KDM5A: variants seen among roughly 807,000 people sequenced by gnomAD.
KDM5A encodes the protein lysine-specific demethylase 5A.
In KDM5A, 42 loss-of-function variants were observed where a neutral mutation model predicts 193.5. The observed-to-expected ratio is 0.22, with a 90% CI of 0.17 to 0.28. The LOEUF (loss-of-function observed/expected upper bound fraction) is 0.28, where lower values mean the gene tolerates loss of function less well. Ranked by LOEUF, KDM5A falls within the 10% of genes least tolerant of loss-of-function variation. The probability of loss-of-function intolerance (pLI) is 1.00; values close to 1 mark genes in which losing one functional copy is unlikely to be tolerated. For synonymous variants in KDM5A, 796 were observed against 718.1 expected (o/e 1.11, Z -1.73); for missense variants, 1,692 against 2,055.1 (o/e 0.82, Z 3.42).
intron 3 of KDM5A, among the ~76,000 whole-genome samples, chr12:374,862 G>A (rs535873425): frequency 9.5e-4 from 143 of 151,056 alleles, no homozygotes; most frequent in African/African-American, 3.4e-3. Context: ...TGAAATTATG[G>A]GTTGAAAATT....
chr12:350,553 T>C, intron 10 of KDM5A, 68 bp downstream of exon 10: 1 of 1,482,342 alleles, frequency 6.7e-7, no homozygotes, highest in Non-Finnish European at 9.4e-7. Context: ...ATGTGATCCC[T>C]TAAGATAGTT....
intron 10 of KDM5A, among the ~76,000 whole-genome samples, chr12:348,148 C>G (rs1013910020): frequency 3.3e-5 from 5 of 152,074 alleles, no homozygotes; most frequent in African/African-American, 4.8e-5. Flanking sequence ...ATGCAGCCAA[C>G]AGACACATGA....
At chr12:383,641 G>A (rs1944603545) in intron 3 of KDM5A, among the ~76,000 whole-genome samples, 2 of 152,192 alleles carry the variant, frequency 1.3e-5, no homozygotes, top group African/African-American at 4.8e-5. Context: ...CACAGAGCCT[G>A]ATAAATATTA....
rs531132523 is a variant in KDM5A at position 285,476 on chromosome 12, C to G, written c.5053G>C (p.Asp1685His). The change falls in exon 28 of 28, where the codon GAT becomes CAT. Residue 1685 changes from aspartate to histidine, a missense_variant. Asp to His is a moderately conservative substitution (Grantham distance 81). Around this residue, in one of 11 missense-constraint regions of KDM5A, gnomAD observed 41 missense variants for 36.3 expected, o/e 1.13. Transcript: ENST00000399788. ...ATCTGCTAACTGGTCTCTTTAAGAT[C>G]CTCCATTGGTAGTTTGTAGCTCATT... ...FIMSYKLPME[D>H]LKETS 2 of 1,613,972 alleles carry G rather than the reference C, an allele frequency of 1.2e-6. No individual in the cohort carries two copies. The highest frequency in any genetic ancestry group is 2.2e-5 in the South Asian group (2 of 91,080).
At chr12:322,231 C>T (rs1943726020) in intron 17 of KDM5A, 186 bp downstream of exon 17, 2 of 617,688 alleles carry the variant, frequency 3.2e-6, no homozygotes, top group Non-Finnish European at 5.7e-6. Flanking sequence ...AGAAAGAACA[C>T]TGCAGGCTGG....
chr12:366,775 A>G (rs1216853727), intron 3 of KDM5A, among the ~76,000 whole-genome samples: 1 of 152,244 alleles, frequency 6.6e-6, no homozygotes, highest in African/African-American at 2.4e-5. Context: ...ACATATTTCA[A>G]AGCTCCTTAA....
rs1943862283 is a variant in KDM5A at position 331,207 on chromosome 12, GA to G, written c.1773+611del. Reference sequence around the variant, plus strand: ...TATTTGAAAATATGGTAGAATACTTGAAATTATCTGTATAAGCCTGATCACC... The same window carrying G: ...TATTTGAAAATATGGTAGAATACTTGAATTATCTGTATAAGCCTGATCACC... On this transcript the variant is annotated intron_variant, in intron 13 of 27. Coordinates refer to ENST00000399788, the MANE Select transcript of KDM5A (RefSeq NM_001042603.3). Among the ~76,000 whole-genome samples, 3 of 152,280 alleles carry G rather than the reference GA, an allele frequency of 2.0e-5. No individual in the cohort carries two copies. The South Asian group carries it at 6.2e-4, about 32-fold the overall frequency.
Position 354,147 on chromosome 12 carries a change from T to A in KDM5A, c.958A>T (p.Thr320Ser). The stretch of plus-strand genomic sequence containing the variant: ...GGTAGTGGAGGAATTAGACAAAATG[T>A]ATGATAGCTGTCATCACATCCATCA... ...LCDGCDDSYH[T>S]FCLIPPLPDV... is the part of the protein sequence containing the mutation. Residue 320 changes from threonine to serine, a missense_variant, in exon 8 of 28, where the codon ACA becomes TCA. This residue lies in a region of KDM5A where 62 missense variants were observed against 107.1 expected (regional missense o/e 0.58). Transcript: ENST00000399788. 6.2e-7 allele frequency: 1 copy of A among 1,612,910 alleles called. No individual in the cohort carries two copies. The highest frequency in any genetic ancestry group is 8.5e-7 in the Non-Finnish European group (1 of 1,178,932).
intron 13 of KDM5A, among the ~76,000 whole-genome samples, chr12:331,315 T>C (rs1943863519): frequency 6.6e-6 from 1 of 152,210 alleles, no homozygotes; most frequent in Admixed American, 6.5e-5. Context: ...GGTTTAAAAC[T>C]GCAATTACTT....
At position 389,106 on chromosome 12, in the gene KDM5A, G is replaced by T. The variant is rs757934909; in HGVS notation, c.-15C>A. ...ACGCCCGCCATTGCAACGGCCGGGG[G>T]GGGGGGGGGGTCCCCGTGGGGAACC... is the stretch of plus-strand genomic sequence containing the variant. On this transcript the variant is annotated 5_prime_UTR_variant, in exon 1 of 28. Transcript: ENST00000399788. 3.6e-5 allele frequency: 48 copies of T among 1,329,640 alleles called. No individual in the cohort carries two copies. The highest frequency in any genetic ancestry group is 1.5e-4 in the African/African-American group (9 of 60,144). The allele number at this position is 1,329,640 out of a possible 1,614,324, so 82.4% of individuals were successfully genotyped here. A position where few individuals can be genotyped will look rare whatever the true frequency, so the allele number is the denominator to read the frequency against.
At chr12:311,572 T>A (rs1406486594) in intron 20 of KDM5A, among the ~76,000 whole-genome samples, 2 of 152,096 alleles carry the variant, frequency 1.3e-5, no homozygotes, top group Non-Finnish European at 2.9e-5. Context: ...AACAGCCAAT[T>A]AAAGATTCTC....
rs1377152024 is a variant in KDM5A at position 362,945 on chromosome 12, A to C, written c.672+18T>G. The C allele has an allele frequency of 6.2e-7, 1 of 1,613,164 alleles. No homozygotes were observed. The highest frequency in any genetic ancestry group is 8.5e-7 in the Non-Finnish European group (1 of 1,179,270). On this transcript the variant is annotated intron_variant, in intron 5 of 27. Transcript: ENST00000399788. ...ACATCTTTATTTAAAAATTTAAAAA[A>C]GCCCAAGACATTGATACCTGAGTCT...
intron 3 of KDM5A, among the ~76,000 whole-genome samples, chr12:369,734 A>T (rs1944402394): frequency 6.6e-6 from 1 of 152,190 alleles, no homozygotes; most frequent in Non-Finnish European, 1.5e-5. Flanking sequence ...GGCTAAAGCA[A>T]AGTGAACAAG....
At chr12:330,416 G>A (rs183162246) in intron 13 of KDM5A, among the ~76,000 whole-genome samples, 28 of 152,142 alleles carry the variant, frequency 1.8e-4, no homozygotes, top group Admixed American at 1.6e-3. Flanking sequence ...ACTTGTCTGA[G>A]GTTATTAAGT....
Position 284,639 on chromosome 12 carries a change from T to A in KDM5A, c.*817A>T, listed in dbSNP as rs79783495. ...TGGTCATCATCGTCATCTTCTTCTC[T>A]TTTTTTTTTTGGCAGAAGCCTGGAT... On this transcript the variant is annotated 3_prime_UTR_variant, in exon 28 of 28. Transcript: ENST00000399788. The A allele has an allele frequency of 1.2e-5, 2 of 170,512 alleles. No individual in the cohort carries two copies. Among genetic ancestry groups the A allele is most frequent in the Non-Finnish European group, 2.3e-5 (2 of 85,184 alleles). 10.6% of individuals were successfully genotyped at this position (170,512 alleles called of 1,614,324 possible). A position where few individuals can be genotyped will look rare whatever the true frequency, so the allele number is the denominator to read the frequency against.
chr12:309,992 C>A (rs746586571), intron 21 of KDM5A, 28 bp from the exon 22 acceptor site: 13 of 1,609,514 alleles, frequency 8.1e-6, no homozygotes, highest in South Asian at 7.8e-5. Context: ...CCATTATAAA[C>A]TCTGGTTTTG....
intron 1 of KDM5A, among the ~76,000 whole-genome samples, chr12:388,708 T>C (rs1944681256): frequency 6.6e-6 from 1 of 152,190 alleles, no homozygotes; most frequent in African/African-American, 2.4e-5. Flanking sequence ...TCCCAAGTTC[T>C]AGGCGGAAGA....
At chr12:304,310 G>A (rs944526940) in intron 24 of KDM5A, among the ~76,000 whole-genome samples, 2 of 152,070 alleles carry the variant, frequency 1.3e-5, no homozygotes, top group Non-Finnish European at 2.9e-5. Context: ...AGTATTTTAA[G>A]TTATGAATTT....
At position 328,879 on chromosome 12, in the gene KDM5A, T is replaced by A; in HGVS notation, c.1924A>T (p.Met642Leu). 1.9e-6 allele frequency: 3 copies of A among 1,613,034 alleles called. No homozygotes were observed. Among genetic ancestry groups the A allele is most frequent in the Non-Finnish European group, 2.5e-6 (3 of 1,178,962 alleles). ...AAMVCKELTLMTEEETRLRES... is the reference protein window; with the variant it reads ...AAMVCKELTLLTEEETRLRES... ...CTTAATCGTGTTTCTTCTTCAGTCA[T>A]GAGAGTCAATTCTTTGCAGACCATG... is the stretch of plus-strand genomic sequence containing the variant. Residue 642 changes from methionine (M) to leucine (L), a missense_variant, in exon 14 of 28, where the codon ATG becomes TTG. By Grantham distance (15) the Met-to-Leu change is conservative (BLOSUM62 2). Around this residue, in one of 11 missense-constraint regions of KDM5A, gnomAD observed 88 missense variants for 124.6 expected, o/e 0.71. Transcript: ENST00000399788.
Sources: allele counts gnomAD v4.1 joint callset (sites outside exome capture counted in the v4.1 genomes callset), GRCh38; gene constraint gnomAD v4.1.1; regional missense constraint gnomAD v4.1.1; transcripts MANE v1.5; gene names NCBI Gene and HGNC (gene_info 2026-07-23, HGNC 2026-07-21).